The following EFNA5 variants were observed in gnomAD, a reference collection of about 807,000 sequenced individuals.
EFNA5 encodes the protein ephrin A5, also known as ephrin-A5.
A neutral mutation model predicts 22.9 loss-of-function variants in EFNA5; 5 were observed. That is an observed-to-expected ratio of 0.22 (90% confidence interval 0.11 to 0.46). The LOEUF is 0.46. EFNA5 is among the 20% of genes least tolerant of loss of function. The probability of loss-of-function intolerance (pLI) is 0.99; values close to 1 mark genes in which losing one functional copy is unlikely to be tolerated. For missense variants in EFNA5, 237 were observed against 293.3 expected (o/e 0.81, Z 1.40); for synonymous variants, 113 against 112.2 (o/e 1.01, Z -0.04).
chr5:107,521,152 G>A (rs1472175435), intron 1 of EFNA5, among the ~76,000 whole-genome samples: 1 of 152,130 alleles, frequency 6.6e-6, no homozygotes, highest in Non-Finnish European at 1.5e-5. Flanking sequence ...TTTAATACAT[G>A]TAACCTACAA....
chr5:107,582,103 C>CA (rs1342658148), intron 1 of EFNA5, among the ~76,000 whole-genome samples: 2 of 152,022 alleles, frequency 1.3e-5, no homozygotes, highest in East Asian at 3.9e-4. Flanking sequence ...ATGAGTGTAA[C>CA]AAAAAAGAGA....
chr5:107,427,818 A>T (rs1748846373), intron 1 of EFNA5, among the ~76,000 whole-genome samples: 1 of 152,178 alleles, frequency 6.6e-6, no homozygotes, highest in Admixed American at 6.5e-5. Context: ...TAGAGGTACT[A>T]GTGTGCTGTT....
chr5:107,649,084 TCAAA>T (rs1438635588), intron 1 of EFNA5, among the ~76,000 whole-genome samples: 1 of 152,072 alleles, frequency 6.6e-6, no homozygotes, highest in Non-Finnish European at 1.5e-5. Flanking sequence ...TTGCCCAAGG[TCAAA>T]CAGTTAAATA....
chr5:107,547,928 T>C (rs984749766), intron 1 of EFNA5, among the ~76,000 whole-genome samples: 1 of 152,216 alleles, frequency 6.6e-6, no homozygotes, highest in Non-Finnish European at 1.5e-5. Flanking sequence ...TACCCTAAAA[T>C]AGCATTCAAT....
rs1012521913 is a variant in EFNA5 at position 107,634,722 on chromosome 5, T to C, written c.125+35767A>G. On this transcript the variant is annotated intron_variant, in intron 1 of 4. Coordinates refer to ENST00000333274, the MANE Select transcript of EFNA5 (RefSeq NM_001962.3). ...GGGCGTATACCCACACCAAAAATAATGACAGTATTTCAAATGGGAGAAGTT... is the reference window on the plus strand; with the variant it reads ...GGGCGTATACCCACACCAAAAATAACGACAGTATTTCAAATGGGAGAAGTT... Among the ~76,000 whole-genome samples the C allele has an allele frequency of 7.6e-5, 11 of 144,296 alleles. 2 individuals carry two copies. The highest frequency in any genetic ancestry group is 4.5e-4 in the South Asian group (2 of 4,486). The allele number at this position is 144,296 out of a possible 152,430, so 94.7% of individuals were successfully genotyped here.
At chr5:107,421,921 A>C (rs1748679029) in intron 2 of EFNA5, among the ~76,000 whole-genome samples, 1 of 151,796 alleles carries the variant, frequency 6.6e-6, no homozygotes, top group South Asian at 2.1e-4. Context: ...CTTCCTGAGT[A>C]GCTGGGGTTA....
chr5:107,665,461 A>G (rs1580590715), intron 1 of EFNA5, among the ~76,000 whole-genome samples: 1 of 152,366 alleles, frequency 6.6e-6, no homozygotes, highest in East Asian at 1.9e-4. Context: ...GCCACAACAC[A>G]CATGACAACA....
chr5:107,452,914 C>T lies in EFNA5; in HGVS notation c.126-25405G>A, dbSNP rs561918621. On this transcript the variant is annotated intron_variant, in intron 1 of 4. Transcript: ENST00000333274. ...AAACACAAAATATTTCAGTAAAACA[C>T]CTTAATCCTTCAAATAAGTGAAAAG... 2.1e-4 allele frequency among the ~76,000 whole-genome samples: 32 copies of T among 152,210 alleles called. 1 individual carries two copies. The highest frequency in any genetic ancestry group is 7.5e-4 in the African/African-American group (31 of 41,534).
chr5:107,490,608 G>A (rs1425331468), intron 1 of EFNA5, among the ~76,000 whole-genome samples: 1 of 150,328 alleles, frequency 6.7e-6, no homozygotes, highest in African/African-American at 2.5e-5. Flanking sequence ...TGCAGGGTAG[G>A]CTACCACCTG....
At chr5:107,464,859 T>C (rs1489286574) in intron 1 of EFNA5, among the ~76,000 whole-genome samples, 1 of 152,184 alleles carries the variant, frequency 6.6e-6, no homozygotes, top group African/African-American at 2.4e-5. Context: ...CCACAACTAC[T>C]GTTTCCAACT....
intron 1 of EFNA5, among the ~76,000 whole-genome samples, chr5:107,526,313 A>G (rs1372478455): frequency 6.6e-6 from 1 of 152,218 alleles, no homozygotes; most frequent in African/African-American, 2.4e-5. Context: ...GAGAAGCCTG[A>G]TCCCAGTTCT....
chr5:107,554,231 A>G (rs147046758), intron 1 of EFNA5, among the ~76,000 whole-genome samples: 1 of 152,322 alleles, frequency 6.6e-6, no homozygotes, highest in African/African-American at 2.4e-5. Context: ...ATTTTTTTCC[A>G]ATACTTCAAG....
intron 1 of EFNA5, among the ~76,000 whole-genome samples, chr5:107,548,045 A>T (rs1242604387): frequency 6.6e-6 from 1 of 152,212 alleles, no homozygotes; most frequent in Non-Finnish European, 1.5e-5. Flanking sequence ...TGAAGAATAA[A>T]CTACCTTTAG....
At chr5:107,491,978 G>A (rs1746818010) in intron 1 of EFNA5, among the ~76,000 whole-genome samples, 1 of 152,050 alleles carries the variant, frequency 6.6e-6, no homozygotes, top group Admixed American at 6.6e-5. Flanking sequence ...GGGATTACAG[G>A]TGCGCGCCAC....
chr5:107,581,269 A>C (rs1749069013), intron 1 of EFNA5, among the ~76,000 whole-genome samples: 1 of 152,144 alleles, frequency 6.6e-6, no homozygotes, highest in Non-Finnish European at 1.5e-5. Flanking sequence ...ACTGAAAGAG[A>C]CCTCAGAAAT....
chr5:107,504,778 A>C (rs2112428798), intron 1 of EFNA5, among the ~76,000 whole-genome samples: 1 of 152,318 alleles, frequency 6.6e-6, no homozygotes, highest in South Asian at 2.1e-4. Flanking sequence ...ATGTTTGTGA[A>C]AGTACAATTA....
intron 1 of EFNA5, among the ~76,000 whole-genome samples, chr5:107,641,427 A>G (rs1282592240): frequency 1.3e-5 from 2 of 152,178 alleles, no homozygotes; most frequent in African/African-American, 4.8e-5. Flanking sequence ...TGTCGGAGAA[A>G]ATGAGTAATC....
At chr5:107,427,834 T>C (rs1179845530) in intron 1 of EFNA5, among the ~76,000 whole-genome samples, 1 of 152,180 alleles carries the variant, frequency 6.6e-6, no homozygotes, top group Non-Finnish European at 1.5e-5. Context: ...CTGTTTTCCA[T>C]GTTTCCTTTC....
rs968593330 is a variant in EFNA5, at chr5:107,378,677, G to A, written c.*2578C>T. 6.6e-6 allele frequency: 1 copy of A among 152,152 alleles called. No homozygotes were observed. The highest frequency in any genetic ancestry group is 1.5e-5 in the Non-Finnish European group (1 of 68,032). The allele number at this position is 152,152 out of a possible 1,614,324, so 9.4% of individuals were successfully genotyped here. A position where few individuals can be genotyped will look rare whatever the true frequency, so the allele number is the denominator to read the frequency against. On this transcript the variant is annotated 3_prime_UTR_variant, in exon 5 of 5. Coordinates refer to ENST00000333274, the MANE Select transcript of EFNA5 (RefSeq NM_001962.3). Reference sequence around the variant, plus strand: ...TTGCTATTTTCTTTATACTTAATTTGCAGTGGCAGAATGGTGAAGTAAAGG... The same window carrying A: ...TTGCTATTTTCTTTATACTTAATTTACAGTGGCAGAATGGTGAAGTAAAGG...
Sources: allele counts gnomAD v4.1 joint callset (sites outside exome capture counted in the v4.1 genomes callset), GRCh38; gene constraint gnomAD v4.1.1; transcripts MANE v1.5; gene names NCBI Gene and HGNC (gene_info 2026-07-23, HGNC 2026-07-21).